Variants in PPP1CB observed in about 807,000 individuals in gnomAD.
PPP1CB encodes protein phosphatase 1 catalytic subunit beta, also known as serine/threonine-protein phosphatase PP1-beta catalytic subunit.
In PPP1CB, 2 loss-of-function variants were observed where a neutral mutation model predicts 43.7. The observed-to-expected ratio is 0.05, with a 90% CI of 0.02 to 0.14. PPP1CB has a LOEUF of 0.14. PPP1CB is among the 10% of genes least tolerant of loss of function. The probability of loss-of-function intolerance (pLI) is 1.00; values close to 1 mark genes in which losing one functional copy is unlikely to be tolerated. For synonymous variants in PPP1CB, 136 were observed against 135.6 expected (o/e 1.00, Z -0.02); for missense variants, 84 against 398.0 (o/e 0.21, Z 6.71).
chr2:28,755,311 A>G (rs1006152735), intron 1 of PPP1CB, among the ~76,000 whole-genome samples: 4 of 152,306 alleles, frequency 2.6e-5, no homozygotes, highest in South Asian at 4.1e-4. Context: ...AAGTGCTGGG[A>G]TTACAGGCAT....
intron 1 of PPP1CB, among the ~76,000 whole-genome samples, chr2:28,772,687 C>G (rs1032641514): frequency 1.3e-5 from 2 of 152,144 alleles, no homozygotes; most frequent in African/African-American, 4.8e-5. Context: ...ATCCAAAATG[C>G]TTGGGACCCC....
intron 1 of PPP1CB, among the ~76,000 whole-genome samples, chr2:28,752,429 C>T (rs1208714218): frequency 6.6e-6 from 1 of 152,166 alleles, no homozygotes; most frequent in Non-Finnish European, 1.5e-5. Context: ...CCAGGCCCGC[C>T]GGCCGAAGGC....
intron 1 of PPP1CB, among the ~76,000 whole-genome samples, chr2:28,771,205 C>T (rs1467810759): frequency 2.6e-5 from 4 of 152,040 alleles, no homozygotes; most frequent in Non-Finnish European, 5.9e-5. Context: ...AGGCACCTGC[C>T]ATCACGCCTG....
chr2:28,763,926 G>A (rs1666719437), intron 1 of PPP1CB, among the ~76,000 whole-genome samples: 1 of 127,908 alleles, frequency 7.8e-6, no homozygotes, highest in Admixed American at 9.3e-5. Flanking sequence ...GGCTGGTCTT[G>A]AACTGACCTC....
intron 3 of PPP1CB, among the ~76,000 whole-genome samples, chr2:28,781,180 C>T (rs12151717): frequency 0.41 from 62,420 of 151,838 alleles, 13,749 homozygotes; most frequent in Middle Eastern, 0.51. Context: ...CTAGCACAAT[C>T]TTTGGGATTT....
chr2:28,787,254 T>A (rs1180949865), intron 5 of PPP1CB, among the ~76,000 whole-genome samples: 1 of 152,106 alleles, frequency 6.6e-6, no homozygotes, highest in East Asian at 1.9e-4. Context: ...GGTTAGGAGA[T>A]CGAGACCATC....
At chr2:28,770,477 A>T (rs1159266988) in intron 1 of PPP1CB, among the ~76,000 whole-genome samples, 2 of 152,090 alleles carry the variant, frequency 1.3e-5, no homozygotes, top group Non-Finnish European at 2.9e-5. Context: ...AAAGCTCTAA[A>T]ACCAGAAATA....
chr2:28,771,753 G>A (rs1666918226), intron 1 of PPP1CB, among the ~76,000 whole-genome samples: 1 of 151,962 alleles, frequency 6.6e-6, no homozygotes, highest in Non-Finnish European at 1.5e-5. Context: ...GAATGAAGTG[G>A]GCTAAAACAA....
intron 1 of PPP1CB, among the ~76,000 whole-genome samples, chr2:28,758,250 G>T (rs1298460468): frequency 6.6e-6 from 1 of 151,958 alleles, no homozygotes; most frequent in Non-Finnish European, 1.5e-5. Flanking sequence ...GCCCAGGCCA[G>T]TCTCAGAGTT....
At position 28,780,526 on chromosome 2, in the gene PPP1CB, A is replaced by G. The variant is rs963064099; in HGVS notation, c.416-1212A>G. On this transcript the variant is annotated intron_variant, in intron 3 of 7. Coordinates refer to ENST00000395366, the MANE Select transcript of PPP1CB (RefSeq NM_002709.3). ...AGTGGGTTGGAGTACATCAAACTAC[A>G]ACATTCTTCCTAAAGCTACATCAGA... Among the ~76,000 whole-genome samples, 17 of 152,334 alleles carry G rather than the reference A, an allele frequency of 1.1e-4. No individual in the cohort carries two copies. The East Asian group carries it at 3.3e-3, about 29-fold the overall frequency.
At chr2:28,751,770 A>C, upstream of PPP1CB, 1 of 330,256 alleles carries the variant, frequency 3.0e-6, no homozygotes, top group Non-Finnish European at 5.7e-6. Flanking sequence ...GGCGGCGCGC[A>C]AGGGACGTGC....
chr2:28,758,759 A>G (rs1364615406), intron 1 of PPP1CB, among the ~76,000 whole-genome samples: 1 of 152,204 alleles, frequency 6.6e-6, no homozygotes, highest in Non-Finnish European at 1.5e-5. Context: ...ACCTTCGTGA[A>G]CATCACTGGC....
intron 1 of PPP1CB, among the ~76,000 whole-genome samples, chr2:28,772,310 A>G (rs1367428386): frequency 6.6e-6 from 1 of 152,170 alleles, no homozygotes; most frequent in Non-Finnish European, 1.5e-5. Flanking sequence ...CAAAAAGAAA[A>G]AAAAGGGTAC....
intron 1 of PPP1CB, among the ~76,000 whole-genome samples, chr2:28,758,645 T>C (rs968325650): frequency 6.6e-6 from 1 of 152,220 alleles, no homozygotes; most frequent in African/African-American, 2.4e-5. Context: ...TTGGTCTAGA[T>C]GGGTACTTGT....
intron 3 of PPP1CB, among the ~76,000 whole-genome samples, chr2:28,780,666 T>C (rs548902142): frequency 6.6e-6 from 1 of 152,228 alleles, no homozygotes; most frequent in African/African-American, 2.4e-5. Flanking sequence ...CTTTGAGTTA[T>C]GTACTTACTC....
Position 28,785,065 on chromosome 2 carries a change from C to CTTTTTTTTTTTT in PPP1CB, c.592+1104_592+1115dup, listed in dbSNP as rs769650329. Among the ~76,000 whole-genome samples, 195 of 54,998 alleles carry CTTTTTTTTTTTT rather than the reference C, an allele frequency of 3.5e-3. 39 individuals carry two copies. Among genetic ancestry groups the CTTTTTTTTTTTT allele is most frequent in the Non-Finnish European group, 5.5e-3 (159 of 28,694 alleles). The allele number at this position is 54,998 out of a possible 152,430, so 36.1% of individuals were successfully genotyped here. On this transcript the variant is annotated intron_variant, in intron 5 of 7. Transcript: ENST00000395366. ...ATGTTGTAATAAATTGTGTTAGGAG[C>CTTTTTTTTTTTT]TTTTTTTTTTTTTTTTTTTTTTTTT...
chr2:28,761,207 G>C (rs1250493144), intron 1 of PPP1CB, among the ~76,000 whole-genome samples: 2 of 152,064 alleles, frequency 1.3e-5, no homozygotes, highest in East Asian at 3.8e-4. Context: ...GACTTCTGAG[G>C]GGGAGAAACT....
At chr2:28,788,557 A>G (rs1667321742) in intron 5 of PPP1CB, 101 bp from the exon 6 acceptor site, 5 of 1,270,932 alleles carry the variant, frequency 3.9e-6, no homozygotes, top group Admixed American at 4.3e-5. Flanking sequence ...GTTTAGTAAA[A>G]GGTAAGAGGG....
At position 28,779,091 on chromosome 2, in the gene PPP1CB, A is replaced by G. The variant is rs893395847; in HGVS notation, c.415+52A>G. 2.9e-6 allele frequency: 4 copies of G among 1,369,704 alleles called. No individual in the cohort carries two copies. In the African/African-American group the frequency reaches 4.3e-5, roughly 15 times the overall value. The allele number at this position is 1,369,704 out of a possible 1,614,324, so 84.8% of individuals were successfully genotyped here. ...GTAATTCATGGAAACATTGCCTAAT[A>G]ATTTTCTGGTTCAGAAGAGTTGCTT... On this transcript the variant is annotated intron_variant, in intron 3 of 7. Transcript: ENST00000395366.
Sources: gnomAD v4.1 joint callset for allele counts (sites outside exome capture counted in the v4.1 genomes callset) on GRCh38, gnomAD v4.1.1 for gene constraint, MANE v1.5 for transcripts, NCBI Gene and HGNC (gene_info 2026-07-23, HGNC 2026-07-21) for gene names.